Variants in TMEM196 observed in about 807,000 individuals in gnomAD.
TMEM196 encodes the protein transmembrane protein 196.
In TMEM196, 17 loss-of-function variants were observed where a neutral mutation model predicts 20.0. The observed-to-expected ratio is 0.85, with a 90% CI of 0.58 to 1.27. TMEM196 has a LOEUF of 1.27. TMEM196 is among the 50% of genes most tolerant of loss of function. The pLI, the probability that TMEM196 is intolerant of heterozygous loss-of-function variation, is 0.00. For missense variants in TMEM196, 267 were observed against 223.0 expected, an observed-to-expected ratio of 1.20 and a Z score of -1.26; for synonymous variants, 113 against 88.9, an observed-to-expected ratio of 1.27 and a Z score of -1.52.
intron 1 of TMEM196, among the ~76,000 whole-genome samples, chr7:19,749,637 C>T (rs1158417722): frequency 1.3e-5 from 2 of 152,080 alleles, no homozygotes; most frequent in Non-Finnish European, 2.9e-5. Flanking sequence ...ACATATCCAT[C>T]ATCTCTTTCA....
intron 1 of TMEM196, among the ~76,000 whole-genome samples, chr7:19,737,351 A>G (rs1480275074): frequency 6.6e-6 from 1 of 152,060 alleles, no homozygotes; most frequent in Non-Finnish European, 1.5e-5. Flanking sequence ...AGGAATTTTC[A>G]TTTGCTACAT....
In TMEM196 at chr7:19,719,907, G is replaced by A. The variant is rs1294874225; in HGVS notation, c.*2221C>T. On this transcript the variant is annotated 3_prime_UTR_variant, in exon 5 of 5. Transcript: ENST00000405844. ...GATATGTCTCCTTTTGTCCTTTAAT[G>A]TGTTATGTTATAGATCAGTTCAAAA... 1.3e-5 allele frequency: 2 copies of A among 151,950 alleles called. No homozygotes were observed. The highest frequency in any genetic ancestry group is 2.9e-5 in the Non-Finnish European group (2 of 67,918). 9.4% of individuals were successfully genotyped at this position (151,950 alleles called of 1,614,324 possible).
intron 1 of TMEM196, among the ~76,000 whole-genome samples, chr7:19,737,670 A>G (rs1355179252): frequency 2.0e-5 from 3 of 152,002 alleles, no homozygotes; most frequent in Non-Finnish European, 4.4e-5. Context: ...AAGGCTGTTC[A>G]CTGTATGATT....
At chr7:19,751,054 A>G (rs1052224168) in intron 1 of TMEM196, among the ~76,000 whole-genome samples, 1 of 152,208 alleles carries the variant, frequency 6.6e-6, no homozygotes, top group African/African-American at 2.4e-5. Flanking sequence ...TTTTTATTTT[A>G]TATATTTCTT....
rs1376255298 is a variant in TMEM196, at chr7:19,719,387, T to C, written c.*2741A>G. The C allele has an allele frequency of 6.7e-6, 1 of 148,264 alleles. No individual in the cohort carries two copies. The highest frequency in any genetic ancestry group is 2.4e-5 in the African/African-American group (1 of 41,148). 9.2% of individuals were successfully genotyped at this position (148,264 alleles called of 1,614,324 possible). ...CATTTCCTGTTCCACTTCCAAACCA[T>C]TGTGTGTGTGTATATACACATATGT... On this transcript the variant is annotated 3_prime_UTR_variant, in exon 5 of 5. Transcript: ENST00000405844.
chr7:19,766,065 G>A (rs868401579), intron 1 of TMEM196, among the ~76,000 whole-genome samples: 8 of 152,138 alleles, frequency 5.3e-5, no homozygotes, highest in East Asian at 3.9e-4. Flanking sequence ...TAGAAACATC[G>A]TTTTCTGAGA....
At chr7:19,755,302 C>T (rs543742343) in intron 1 of TMEM196, among the ~76,000 whole-genome samples, 6 of 152,200 alleles carry the variant, frequency 3.9e-5, no homozygotes, top group South Asian at 2.1e-4. Context: ...TCCTCCTGGT[C>T]GACTGCTATT....
intron 1 of TMEM196, among the ~76,000 whole-genome samples, chr7:19,771,754 G>A (rs1785890041): frequency 6.6e-6 from 1 of 152,142 alleles, no homozygotes; most frequent in African/African-American, 2.4e-5. Context: ...CTTTCTTGGA[G>A]ATTCATCCTA....
At chr7:19,750,952 A>C (rs1007692034) in intron 1 of TMEM196, among the ~76,000 whole-genome samples, 1 of 152,184 alleles carries the variant, frequency 6.6e-6, no homozygotes. Flanking sequence ...GGATCAAGTT[A>C]AGAGGAATGG....
chr7:19,722,504 A>C (rs1337519781), intron 4 of TMEM196, among the ~76,000 whole-genome samples: 1 of 152,160 alleles, frequency 6.6e-6, no homozygotes, highest in African/African-American at 2.4e-5. Context: ...ATGTCAACAA[A>C]GTGCCAATGC....
At chr7:19,771,031 C>G (rs1785854468) in intron 1 of TMEM196, among the ~76,000 whole-genome samples, 1 of 152,016 alleles carries the variant, frequency 6.6e-6, no homozygotes, top group Non-Finnish European at 1.5e-5. Context: ...TCCCTCTTTC[C>G]CTAAATGTTG....
At chr7:19,755,729 T>A (rs1583451356) in intron 1 of TMEM196, among the ~76,000 whole-genome samples, 1 of 152,144 alleles carries the variant, frequency 6.6e-6, no homozygotes, top group Non-Finnish European at 1.5e-5. Flanking sequence ...TGTTAATGTC[T>A]TAGCAAAACA....
chr7:19,753,316 C>T (rs1785065845), intron 1 of TMEM196, among the ~76,000 whole-genome samples: 1 of 152,112 alleles, frequency 6.6e-6, no homozygotes, highest in African/African-American at 2.4e-5. Flanking sequence ...ACCACCAGCA[C>T]CCTACTCCCA....
intron 1 of TMEM196, among the ~76,000 whole-genome samples, chr7:19,757,881 A>C (rs1255798181): frequency 6.6e-6 from 1 of 152,024 alleles, no homozygotes; most frequent in Non-Finnish European, 1.5e-5. Flanking sequence ...AGCATTAAAA[A>C]GGTTACCTTT....
chr7:19,729,362 CA>C lies in TMEM196; in HGVS notation c.204+19del. ...GTTTCATACACCTCAATGCACAATA[CA>C]AACAAATCAAACACTTACGACAAGT... On this transcript the variant is annotated intron_variant, in intron 2 of 4. Coordinates refer to ENST00000405844, the MANE Select transcript of TMEM196 (RefSeq NM_001363562.2). 1.9e-6 allele frequency: 3 copies of C among 1,545,572 alleles called. No individual in the cohort carries two copies. The highest frequency in any genetic ancestry group is 2.6e-6 in the Non-Finnish European group (3 of 1,144,166).
At position 19,721,412 on chromosome 7, in the gene TMEM196, G is replaced by A. The variant is rs1277979765; in HGVS notation, c.*716C>T. On this transcript the variant is annotated 3_prime_UTR_variant, in exon 5 of 5. Transcript: ENST00000405844. ...ATGAACATGCAGATCAATCTGCACAGTATGATCAAAACATGTTTATTTTCT... is the reference window on the plus strand; with the variant it reads ...ATGAACATGCAGATCAATCTGCACAATATGATCAAAACATGTTTATTTTCT... 1 of 152,064 alleles carries A rather than the reference G, an allele frequency of 6.6e-6. No homozygotes were observed. Among genetic ancestry groups the A allele is most frequent in the Non-Finnish European group, 1.5e-5 (1 of 67,988 alleles). 9.4% of individuals were successfully genotyped at this position (152,064 alleles called of 1,614,324 possible). A position where few individuals can be genotyped will look rare whatever the true frequency, so the allele number is the denominator to read the frequency against.
intron 1 of TMEM196, among the ~76,000 whole-genome samples, chr7:19,754,717 A>G (rs1389449404): frequency 1.3e-5 from 2 of 152,092 alleles, no homozygotes; most frequent in East Asian, 3.8e-4. Flanking sequence ...CTAGGTGGCG[A>G]CTCTATCTTC....
chr7:19,749,552 A>G (rs1302975358), intron 1 of TMEM196, among the ~76,000 whole-genome samples: 2 of 152,126 alleles, frequency 1.3e-5, no homozygotes, highest in Non-Finnish European at 2.9e-5. Flanking sequence ...TTTTTTGTGT[A>G]TATTTAAATG....
intron 1 of TMEM196, among the ~76,000 whole-genome samples, chr7:19,737,356 C>T (rs576618504): frequency 1.3e-5 from 2 of 152,056 alleles, no homozygotes; most frequent in South Asian, 2.1e-4. Context: ...TTTTCATTTG[C>T]TACATATAGG....
Sources: allele counts gnomAD v4.1 joint callset (sites outside exome capture counted in the v4.1 genomes callset), GRCh38; gene constraint gnomAD v4.1.1; transcripts MANE v1.5; gene names NCBI Gene and HGNC (gene_info 2026-07-23, HGNC 2026-07-21).